The following LARP1B variants were observed in gnomAD, a reference collection of about 807,000 sequenced individuals.
The protein encoded by LARP1B is La ribonucleoprotein 1B.
A neutral mutation model predicts 114.2 loss-of-function variants in LARP1B; 76 were observed. That is an observed-to-expected ratio of 0.67 (90% CI 0.55 to 0.81). The LOEUF is 0.81. Ranked by LOEUF, LARP1B falls within the 30% of genes least tolerant of loss-of-function variation. LARP1B has a pLI of 0.00. For missense variants in LARP1B, 1,014 were observed against 1,075.8 expected (o/e 0.94, Z 0.80); for synonymous variants, 345 against 348.0 (o/e 0.99, Z 0.10).
intron 8 of LARP1B, among the ~76,000 whole-genome samples, chr4:128,101,396 T>C (rs1240000617): frequency 2.6e-5 from 4 of 151,860 alleles, no homozygotes; most frequent in Admixed American, 2.0e-4. Context: ...GATTTTACTA[T>C]AGTAAAGTCC....
intron 11 of LARP1B, among the ~76,000 whole-genome samples, chr4:128,150,315 G>A (rs1395198067): frequency 6.8e-6 from 1 of 147,828 alleles, no homozygotes; most frequent in Non-Finnish European, 1.5e-5. Context: ...TTTTCAGACA[G>A]GGTCTCACCC....
chr4:128,213,191 G>A (rs1348269819), downstream of LARP1B, among the ~76,000 whole-genome samples: 1 of 151,958 alleles, frequency 6.6e-6, no homozygotes, highest in Non-Finnish European at 1.5e-5. Flanking sequence ...TGGGATTACA[G>A]GTGTGAGCCA....
intron 1 of LARP1B, among the ~76,000 whole-genome samples, chr4:128,063,149 C>T (rs918067262): frequency 1.3e-5 from 2 of 151,676 alleles, no homozygotes; most frequent in Non-Finnish European, 2.9e-5. Context: ...AAAAATGGGC[C>T]GGCGCGGTGG....
chr4:128,129,017 T>C (rs1180936852), intron 11 of LARP1B, among the ~76,000 whole-genome samples: 1 of 151,162 alleles, frequency 6.6e-6, no homozygotes, highest in Non-Finnish European at 1.5e-5. Context: ...ACAAAAAAAT[T>C]AGCCAGGCGT....
chr4:128,156,414 T>C (rs1735694353), intron 11 of LARP1B, among the ~76,000 whole-genome samples: 1 of 152,170 alleles, frequency 6.6e-6, no homozygotes, highest in African/African-American at 2.4e-5. Context: ...CTGGCCTCTC[T>C]AGCACAATTT....
intron 9 of LARP1B, chr4:128,108,571 G>C: frequency 1.0e-6 from 1 of 985,560 alleles, no homozygotes; most frequent in Non-Finnish European, 1.2e-6. Context: ...ATGTTTCTTT[G>C]TCAGCCTTCT....
intron 5 of LARP1B, among the ~76,000 whole-genome samples, chr4:128,084,956 C>T (rs956368944): frequency 5.9e-5 from 9 of 151,684 alleles, no homozygotes; most frequent in Admixed American, 1.3e-4. Context: ...CTCTGCCTCC[C>T]GGGTTCAAGC....
intron 8 of LARP1B, among the ~76,000 whole-genome samples, chr4:128,104,092 C>T (rs1051552272): frequency 6.6e-6 from 1 of 151,970 alleles, no homozygotes; most frequent in Admixed American, 6.6e-5. Flanking sequence ...TGTGAGCCAC[C>T]GTGCCTGGCC....
chr4:128,132,576 A>G (rs1791918416), intron 11 of LARP1B, among the ~76,000 whole-genome samples: 1 of 151,918 alleles, frequency 6.6e-6, no homozygotes, highest in African/African-American at 2.4e-5. Flanking sequence ...TTGTCTTAAG[A>G]TCTTTTTTCT....
At chr4:128,221,121 A>T (rs1759992113) in intron 7 of LARP1B, among the ~76,000 whole-genome samples, 1 of 152,188 alleles carries the variant, frequency 6.6e-6, no homozygotes, top group Non-Finnish European at 1.5e-5. Context: ...GGAGGGTCTA[A>T]TGGAGTATTT....
At chr4:128,153,377 C>T (rs573097818) in intron 11 of LARP1B, among the ~76,000 whole-genome samples, 2 of 150,634 alleles carry the variant, frequency 1.3e-5, no homozygotes, top group African/African-American at 4.9e-5. Context: ...AGTGCAGTGG[C>T]GCGATCTTGG....
Position 128,202,188 on chromosome 4 carries a change from T to A in LARP1B, c.2309+1523T>A, listed in dbSNP as rs911241076. 8.5e-5 allele frequency among the ~76,000 whole-genome samples: 13 copies of A among 152,236 alleles called. 1 individual carries two copies. The highest frequency in any genetic ancestry group is 7.2e-4 in the Admixed American group (11 of 15,286). On this transcript the variant is annotated intron_variant, in intron 17 of 19. Coordinates refer to ENST00000326639, the MANE Select transcript of LARP1B (RefSeq NM_018078.4). Reference sequence around the variant, plus strand: ...TCTTTCTTACCACACTTTTAAGATTTATACTCTTCCTTATGACTTTAATAG... The same window carrying A: ...TCTTTCTTACCACACTTTTAAGATTAATACTCTTCCTTATGACTTTAATAG...
chr4:128,083,660 C>T (rs1172171409), intron 5 of LARP1B, among the ~76,000 whole-genome samples: 5 of 92,472 alleles, frequency 5.4e-5, no homozygotes, highest in East Asian at 5.8e-4. Flanking sequence ...GGCGGCTGGC[C>T]AGGTGGGGGG....
At chr4:128,087,157 G>A (rs1320592415) in intron 5 of LARP1B, among the ~76,000 whole-genome samples, 3 of 152,028 alleles carry the variant, frequency 2.0e-5, no homozygotes, top group Admixed American at 1.3e-4. Context: ...CTGACCTCAA[G>A]TGATCTGCCT....
rs35878913 is a variant in LARP1B, at chr4:128,178,035, G to GATATATATATAT, written c.1685-382_1685-371dup. Among the ~76,000 whole-genome samples, 374 of 137,804 alleles carry GATATATATATAT rather than the reference G, an allele frequency of 2.7e-3. 2 individuals carry two copies. The highest frequency in any genetic ancestry group is 0.014 in the East Asian group (64 of 4,532). 90.4% of individuals were successfully genotyped at this position (137,804 alleles called of 152,430 possible). A position where few individuals can be genotyped will look rare whatever the true frequency, so the allele number is the denominator to read the frequency against. On this transcript the variant is annotated intron_variant, in intron 13 of 19. Transcript: ENST00000326639. ...AAAACATGAAAAAAGTTTACAAAGT[G>GATATATATATAT]ATATATATATATATATATATATATA... is the stretch of plus-strand genomic sequence containing the variant.
intron 15 of LARP1B, among the ~76,000 whole-genome samples, chr4:128,190,664 G>A (rs1198721934): frequency 6.6e-6 from 1 of 152,118 alleles, no homozygotes; most frequent in Non-Finnish European, 1.5e-5. Flanking sequence ...CAGTGTAAGG[G>A]TGCCTGCTTC....
chr4:128,086,424 G>T (rs1375732907), intron 5 of LARP1B, among the ~76,000 whole-genome samples: 1 of 152,056 alleles, frequency 6.6e-6, no homozygotes, highest in African/African-American at 2.4e-5. Flanking sequence ...CACTTCCTAG[G>T]CTCAAGCGAT....
At chr4:128,137,770 CATAT>C (rs745646919) in intron 11 of LARP1B, among the ~76,000 whole-genome samples, 39 of 141,316 alleles carry the variant, frequency 2.8e-4, no homozygotes, top group East Asian at 1.6e-3. Context: ...TGTGTGTATA[CATAT>C]ATATATATAT....
In LARP1B at chr4:128,210,323, A is replaced by G. The variant is rs2150969185; in HGVS notation, c.*270A>G. Reference sequence around the variant, plus strand: ...TTTTATAGAGATCTTCTAGTAATGTATTTTGATCTCAGATTTCTTTTTCAA... The same window carrying G: ...TTTTATAGAGATCTTCTAGTAATGTGTTTTGATCTCAGATTTCTTTTTCAA... On this transcript the variant is annotated 3_prime_UTR_variant, in exon 20 of 20. Transcript: ENST00000326639. 2.5e-6 allele frequency: 3 copies of G among 1,185,750 alleles called. No homozygotes were observed. The highest frequency in any genetic ancestry group is 3.1e-6 in the Non-Finnish European group (3 of 955,180). The allele number at this position is 1,185,750 out of a possible 1,614,324, so 73.5% of individuals were successfully genotyped here.
Sources: gnomAD v4.1 joint callset for allele counts (sites outside exome capture counted in the v4.1 genomes callset) on GRCh38, gnomAD v4.1.1 for gene constraint, MANE v1.5 for transcripts, NCBI Gene and HGNC (gene_info 2026-07-23, HGNC 2026-07-21) for gene names.